VASN: variants seen among roughly 807,000 people sequenced by gnomAD.
VASN encodes the protein vasorin.
Under a neutral mutation model 4.8 loss-of-function variants are expected in VASN, and 5 were observed. That is an observed-to-expected ratio of 1.03 (90% CI 0.54 to 2.17). The LOEUF (loss-of-function observed/expected upper bound fraction) is 2.17. VASN is among the 30% of genes most tolerant of loss of function. The pLI, the probability that VASN is intolerant of heterozygous loss-of-function variation, is 0.01. For synonymous variants in VASN, 499 were observed against 460.8 expected (o/e 1.08, Z -1.06); for missense variants, 927 against 948.8 (o/e 0.98, Z 0.30).
Position 4,381,032 on chromosome 16 carries a change from C to A in VASN, c.155C>A (p.Pro52His), listed in dbSNP as rs757867129. ...ACCACGGTGCCCCGAGACGTGCCAC[C>A]CGACACGGTGGGGCTGTACGTCTTT... ...QGTTVPRDVP[P>H]DTVGLYVFEN... is the part of the protein sequence containing the mutation. Residue 52 changes from proline to histidine, a missense_variant, in exon 2 of 2, where the codon CCC becomes CAC. By Grantham distance (77) the Pro-to-His change is moderately conservative. Coordinates refer to ENST00000304735, the MANE Select transcript of VASN (RefSeq NM_138440.3). 6.2e-7 allele frequency: 1 copy of A among 1,610,432 alleles called. No homozygotes were observed. Among genetic ancestry groups the A allele is most frequent in the South Asian group, 1.1e-5 (1 of 90,658 alleles).
intron 1 of VASN, among the ~76,000 whole-genome samples, chr16:4,374,693 T>A (rs1453119098): frequency 6.6e-6 from 1 of 152,110 alleles, no homozygotes; most frequent in Non-Finnish European, 1.5e-5. Context: ...GCCTGCCCAT[T>A]GATCAGCTCA....
chr16:4,381,479 G>T lies in VASN; in HGVS notation c.602G>T (p.Gly201Val), dbSNP rs1444456812. 1 of 1,584,512 alleles carries T rather than the reference G, an allele frequency of 6.3e-7. No individual in the cohort carries two copies. Among genetic ancestry groups the T allele is most frequent in the Admixed American group, 1.8e-5 (1 of 55,848 alleles). Reference sequence around the variant, plus strand: ...AACGTGGAGGCGCTGCGGCTGGCTGGTCTGGGGCTGCAGCAGCTGGACGAG... The same window carrying T: ...AACGTGGAGGCGCTGCGGCTGGCTGTTCTGGGGCTGCAGCAGCTGGACGAG... ...TANVEALRLA[G>V]LGLQQLDEGL... The change falls in exon 2 of 2, where the codon GGT becomes GTT. Residue 201 changes from glycine (G) to valine (V), a missense_variant. Physicochemically the swap from Gly to Val is moderately radical, Grantham distance 109. Transcript: ENST00000304735.
chr16:4,372,341 G>A (rs1464838707), intron 1 of VASN, among the ~76,000 whole-genome samples: 2 of 152,262 alleles, frequency 1.3e-5, no homozygotes, highest in African/African-American at 4.8e-5. Flanking sequence ...CTTTGAGGGG[G>A]ATAGCCAAGC....
Position 4,382,949 on chromosome 16 carries a change from G to A in VASN, c.*50G>A. The stretch of plus-strand genomic sequence containing the variant: ...GGCCGGGCTCTCAGCCAGTGAGATG[G>A]CCAGCCCCCTCCTGCTGCCACACCA... On this transcript the variant is annotated 3_prime_UTR_variant, in exon 2 of 2. Transcript: ENST00000304735. 6.9e-7 allele frequency: 1 copy of A among 1,445,946 alleles called. No homozygotes were observed. Among genetic ancestry groups the A allele is most frequent in the African/African-American group, 1.4e-5 (1 of 69,296 alleles). 89.6% of individuals were successfully genotyped at this position (1,445,946 alleles called of 1,614,324 possible).
intron 1 of VASN, among the ~76,000 whole-genome samples, chr16:4,378,310 G>A (rs769383638): frequency 6.6e-6 from 1 of 151,842 alleles, no homozygotes; most frequent in Non-Finnish European, 1.5e-5. Flanking sequence ...GACCTTAAAC[G>A]AGGCCCAAGG....
At chr16:4,376,785 C>T (rs2054747418) in intron 1 of VASN, among the ~76,000 whole-genome samples, 2 of 152,152 alleles carry the variant, frequency 1.3e-5, no homozygotes, top group Non-Finnish European at 1.5e-5. Context: ...TCACCCACCA[C>T]GTGCCCCCTT....
chr16:4,382,511 A>G lies in VASN; in HGVS notation c.1634A>G (p.Glu545Gly). The change falls in exon 2 of 2, where the codon GAG (glutamate) becomes GGG (glycine). Residue 545 changes from glutamate to glycine, a missense_variant. Transcript: ENST00000304735. Reference protein sequence around the residue: ...VMPLGPGRVPEGEEACGEAHT... With the variant: ...VMPLGPGRVPGGEEACGEAHT... ...CCTTTGGGGCCCGGGCGGGTGCCGG[A>G]GGGCGAGGAGGCCTGCGGGGAGGCC... 1 of 1,591,484 alleles carries G rather than the reference A, an allele frequency of 6.3e-7. No individual in the cohort carries two copies. The highest frequency in any genetic ancestry group is 2.3e-5 in the East Asian group (1 of 43,930).
intron 1 of VASN, among the ~76,000 whole-genome samples, chr16:4,373,958 C>G (rs1475141378): frequency 6.6e-6 from 1 of 152,118 alleles, no homozygotes; most frequent in Non-Finnish European, 1.5e-5. Context: ...CTCTCCTGGA[C>G]CCCCCATCAG....
Position 4,377,235 on chromosome 16 carries a change from C to A in VASN, c.-9-3634C>A, listed in dbSNP as rs555565419. Reference sequence around the variant, plus strand: ...TTCCCACCCCCCGACGTCCCCGAATCCCAGGAATCCCAGGGCTGCCTCCGG... The same window carrying A: ...TTCCCACCCCCCGACGTCCCCGAATACCAGGAATCCCAGGGCTGCCTCCGG... On this transcript the variant is annotated intron_variant, in intron 1 of 1. Coordinates refer to ENST00000304735, the MANE Select transcript of VASN (RefSeq NM_138440.3). Among the ~76,000 whole-genome samples, 201 of 152,190 alleles carry A rather than the reference C, an allele frequency of 1.3e-3. 1 individual carries two copies. The highest frequency in any genetic ancestry group is 4.6e-3 in the African/African-American group (192 of 41,518).
At position 4,381,412 on chromosome 16, in the gene VASN, A is replaced by C; in HGVS notation, c.535A>C (p.Asn179His). 1 of 1,585,684 alleles carries C rather than the reference A, an allele frequency of 6.3e-7. No individual in the cohort carries two copies. Among genetic ancestry groups the C allele is most frequent in the Non-Finnish European group, 8.6e-7 (1 of 1,168,122 alleles). Reference protein sequence around the residue: ...PRLLLLDLSHNSLLALEPGIL... With the variant: ...PRLLLLDLSHHSLLALEPGIL... ...CCTGCTGCTGCTGGACCTCAGCCAC[A>C]ACAGCCTCCTGGCCCTGGAGCCCGG... Residue 179 changes from asparagine to histidine, a missense_variant, in exon 2 of 2, where the codon AAC becomes CAC. Coordinates refer to ENST00000304735, the MANE Select transcript of VASN (RefSeq NM_138440.3).
At position 4,383,080 on chromosome 16, in the gene VASN, G is replaced by A. The variant is rs1478378453; in HGVS notation, c.*181G>A. On this transcript the variant is annotated 3_prime_UTR_variant, in exon 2 of 2. Coordinates refer to ENST00000304735, the MANE Select transcript of VASN (RefSeq NM_138440.3). ...TCGGTCTCCTCATCTGTGAGATGCT[G>A]TGGCCCAGCTGACGAGCCCTAACGT... 3 of 676,374 alleles carry A rather than the reference G, an allele frequency of 4.4e-6. No homozygotes were observed. The highest frequency in any genetic ancestry group is 1.9e-5 in the African/African-American group (1 of 52,930). 41.9% of individuals were successfully genotyped at this position (676,374 alleles called of 1,614,324 possible). A position where few individuals can be genotyped will look rare whatever the true frequency, so the allele number is the denominator to read the frequency against.
intron 1 of VASN, among the ~76,000 whole-genome samples, chr16:4,374,849 T>C (rs2054662263): frequency 6.6e-6 from 1 of 152,164 alleles, no homozygotes; most frequent in African/African-American, 2.4e-5. Flanking sequence ...AGCTTAGGGC[T>C]GGCGGCCTTC....
In VASN at chr16:4,381,597, C is replaced by T. The variant is rs1309394540; in HGVS notation, c.720C>T (p.Gly240=). The part of the protein sequence containing the change: ...RVPPVIRGLR[G]LTRLRLAGNT... The stretch of plus-strand genomic sequence containing the variant: ...CACCTGTGATCCGAGGCCTCCGGGG[C>T]CTGACGCGCCTGCGGCTGGCCGGCA... Residue 240 remains glycine (G), a synonymous_variant, in exon 2 of 2, where the codon GGC becomes GGT. Transcript: ENST00000304735. The T allele has an allele frequency of 1.3e-6, 2 of 1,599,766 alleles. No individual in the cohort carries two copies. Among genetic ancestry groups the T allele is most frequent in the East Asian group, 2.3e-5 (1 of 44,204 alleles).
Position 4,383,132 on chromosome 16 carries a change from A to G in VASN, c.*233A>G, listed in dbSNP as rs113649657. The G allele has an allele frequency of 1.2e-3, 625 of 526,700 alleles. 8 individuals carry two copies. The highest frequency in any genetic ancestry group is 0.011 in the African/African-American group (557 of 50,024). The allele number at this position is 526,700 out of a possible 1,614,324, so 32.6% of individuals were successfully genotyped here. A position where few individuals can be genotyped will look rare whatever the true frequency, so the allele number is the denominator to read the frequency against. Reference sequence around the variant, plus strand: ...CCCAGAACCGAGTGCCTATGAGGACAGTGTCCGCCCTGCCCTCCGCAACGT... The same window carrying G: ...CCCAGAACCGAGTGCCTATGAGGACGGTGTCCGCCCTGCCCTCCGCAACGT... On this transcript the variant is annotated 3_prime_UTR_variant, in exon 2 of 2. Transcript: ENST00000304735.
At chr16:4,375,003 G>A (rs557256177) in intron 1 of VASN, among the ~76,000 whole-genome samples, 29 of 152,092 alleles carry the variant, frequency 1.9e-4, no homozygotes, top group Non-Finnish European at 3.5e-4. Context: ...CACACCTGCC[G>A]CGTGCCGAAA....
chr16:4,382,262 G>C lies in VASN; in HGVS notation c.1385G>C (p.Arg462Pro). Residue 462 changes from arginine (R) to proline (P), a missense_variant, in exon 2 of 2, where the codon CGG becomes CCG. By Grantham distance (103) the Arg-to-Pro change is moderately radical. Transcript: ENST00000304735. Reference sequence around the variant, plus strand: ...ACACCAGTCACGCCGAGGCCACCACGGTCCCTGACCCTGGGCATCGAGCCG... The same window carrying C: ...ACACCAGTCACGCCGAGGCCACCACCGTCCCTGACCCTGGGCATCGAGCCG... ...SPTPVTPRPP[R>P]SLTLGIEPVS... 1 of 1,608,406 alleles carries C rather than the reference G, an allele frequency of 6.2e-7. No homozygotes were observed. Among genetic ancestry groups the C allele is most frequent in the Non-Finnish European group, 8.5e-7 (1 of 1,178,460 alleles).
chr16:4,382,906 G>C lies in VASN; in HGVS notation c.*7G>C. The stretch of plus-strand genomic sequence containing the variant: ...CGCAAAGCCCTACATCTAAGCCAGA[G>C]AGAGACAGGGCAGCTGGGGCCGGGC... On this transcript the variant is annotated 3_prime_UTR_variant, in exon 2 of 2. Transcript: ENST00000304735. 1.3e-6 allele frequency: 2 copies of C among 1,498,002 alleles called. No individual in the cohort carries two copies. The highest frequency in any genetic ancestry group is 1.8e-6 in the Non-Finnish European group (2 of 1,124,372). The allele number at this position is 1,498,002 out of a possible 1,614,324, so 92.8% of individuals were successfully genotyped here.
chr16:4,380,810 G>A (rs2054928710), intron 1 of VASN, 59 bp from the exon 2 acceptor site: 2 of 1,415,018 alleles, frequency 1.4e-6, no homozygotes, highest in Admixed American at 2.9e-5. Context: ...TTCCTGGCGT[G>A]TCTGCCTTCT....
At chr16:4,379,880 T>TAAAAA (rs34020450) in intron 1 of VASN, among the ~76,000 whole-genome samples, 2 of 109,182 alleles carry the variant, frequency 1.8e-5, no homozygotes, top group African/African-American at 3.7e-5. Context: ...CTGTCTCTAC[T>TAAAAA]AAAAAAAAAA....
Sources: gnomAD v4.1 joint callset for allele counts (sites outside exome capture counted in the v4.1 genomes callset) on GRCh38, gnomAD v4.1.1 for gene constraint, MANE v1.5 for transcripts, NCBI Gene and HGNC (gene_info 2026-07-23, HGNC 2026-07-21) for gene names.